The following MAST4 variants were observed in gnomAD, a reference collection of about 807,000 sequenced individuals.
MAST4 encodes microtubule associated serine/threonine kinase family member 4, also known as microtubule-associated serine/threonine-protein kinase 4.
MAST4 carries 89 observed loss-of-function variants against 162.7 expected under a neutral mutation model. That is an observed-to-expected ratio of 0.55 (90% CI 0.46 to 0.65). MAST4 has a LOEUF of 0.65. MAST4 is among the 30% of genes least tolerant of loss of function. The probability of loss-of-function intolerance (pLI) is 0.00; values close to 1 mark genes in which losing one functional copy is unlikely to be tolerated. For missense variants in MAST4, 3,153 were observed against 3,374.0 expected, an observed-to-expected ratio of 0.93 and a Z score of 1.62; for synonymous variants, 1,479 against 1,361.1, an observed-to-expected ratio of 1.09 and a Z score of -1.91.
At chr5:67,024,706 G>A (rs1754426762) in intron 4 of MAST4, among the ~76,000 whole-genome samples, 1 of 151,998 alleles carries the variant, frequency 6.6e-6, no homozygotes, top group Admixed American at 6.6e-5. Flanking sequence ...AAACTGATAG[G>A]TCCACACATA....
At chr5:66,923,739 T>C (rs960103563) in intron 4 of MAST4, among the ~76,000 whole-genome samples, 2 of 152,230 alleles carry the variant, frequency 1.3e-5, no homozygotes, top group Non-Finnish European at 2.9e-5. Flanking sequence ...ATCCTGCCTG[T>C]GTTTGTAACC....
chr5:66,806,801 TCTC>T (rs1330456394), intron 3 of MAST4, among the ~76,000 whole-genome samples: 4 of 152,164 alleles, frequency 2.6e-5, no homozygotes, highest in African/African-American at 9.6e-5. Flanking sequence ...TTTTATTACA[TCTC>T]CTGTTTTCCC....
At chr5:67,127,227 C>A (rs1039059400) in intron 14 of MAST4, among the ~76,000 whole-genome samples, 3 of 152,192 alleles carry the variant, frequency 2.0e-5, no homozygotes, top group Non-Finnish European at 2.9e-5. Context: ...CAATTTATTT[C>A]TTTCTCTTAC....
intron 2 of MAST4, among the ~76,000 whole-genome samples, chr5:66,767,172 TGTGTGTGTGTGTG>T (rs1469811418): frequency 4.4e-3 from 151 of 33,992 alleles, no homozygotes; most frequent in African/African-American, 9.8e-3. Flanking sequence ...AAAGTGCACG[TGTGTGTGTGTGTG>T]TGTGTGTGTG....
chr5:66,882,884 A>G (rs1194835965), intron 3 of MAST4, among the ~76,000 whole-genome samples: 1 of 152,146 alleles, frequency 6.6e-6, no homozygotes, highest in African/African-American at 2.4e-5. Flanking sequence ...CGAGATTTAA[A>G]ATGTTTAGCA....
intron 2 of MAST4, among the ~76,000 whole-genome samples, chr5:66,772,981 G>T (rs1035127214): frequency 2.0e-5 from 3 of 152,184 alleles, no homozygotes; most frequent in African/African-American, 7.2e-5. Context: ...GCTCTGCAAG[G>T]AAGCCCACCT....
chr5:66,599,425 T>G (rs1359481882), intron 1 of MAST4, among the ~76,000 whole-genome samples: 1 of 152,180 alleles, frequency 6.6e-6, no homozygotes, highest in Non-Finnish European at 1.5e-5. Flanking sequence ...TGACCAGTTG[T>G]GGGATTGTGG....
rs138447652 is a variant in MAST4 at position 66,968,348 on chromosome 5, C to A, written c.674+68366C>A. Among the ~76,000 whole-genome samples, 501 of 152,282 alleles carry A rather than the reference C, an allele frequency of 3.3e-3. 3 individuals are homozygous for A. Among genetic ancestry groups the A allele is most frequent in the African/African-American group, 0.011 (475 of 41,554 alleles). On this transcript the variant is annotated intron_variant, in intron 4 of 28. Coordinates refer to ENST00000403625, the MANE Select transcript of MAST4 (RefSeq NM_001164664.2). ...GTCATAAACACACAGTCAGCTATGCCAGAGTTGGCAGTAGAGAAGGTATGC... is the reference window on the plus strand; with the variant it reads ...GTCATAAACACACAGTCAGCTATGCAAGAGTTGGCAGTAGAGAAGGTATGC...
chr5:66,910,895 A>G (rs928776977), intron 4 of MAST4, among the ~76,000 whole-genome samples: 1 of 151,816 alleles, frequency 6.6e-6, no homozygotes, highest in Non-Finnish European at 1.5e-5. Context: ...CTACAGGCGC[A>G]TGCCACCATG....
intron 3 of MAST4, among the ~76,000 whole-genome samples, chr5:66,877,904 T>G (rs25836): frequency 0.28 from 42,800 of 152,046 alleles, 6,268 homozygotes; most frequent in East Asian, 0.53. Context: ...AATGTAAAAC[T>G]TTCTGAAATT....
chr5:66,883,847 C>T (rs1409236382), intron 3 of MAST4, among the ~76,000 whole-genome samples: 5 of 152,258 alleles, frequency 3.3e-5, no homozygotes, highest in Middle Eastern at 3.4e-3. Flanking sequence ...ATTTCTTTAG[C>T]GATTTGATCA....
At position 66,631,299 on chromosome 5, in the gene MAST4, C is replaced by T. The variant is rs183266046; in HGVS notation, c.363+34281C>T. 2.8e-3 allele frequency among the ~76,000 whole-genome samples: 421 copies of T among 152,162 alleles called. 8 individuals are homozygous for T. Among genetic ancestry groups the T allele is most frequent in the Admixed American group, 0.025 (383 of 15,286 alleles). On this transcript the variant is annotated intron_variant, in intron 1 of 28. Coordinates refer to ENST00000403625, the MANE Select transcript of MAST4 (RefSeq NM_001164664.2). ...TACCTGTGTCCTAGAAAGCTGCGAT[C>T]GATGGTAATTTCTAAGTAGGGGGTA...
chr5:66,744,774 A>G (rs957503985), intron 1 of MAST4, among the ~76,000 whole-genome samples: 1 of 152,174 alleles, frequency 6.6e-6, no homozygotes. Context: ...CCCATGACCA[A>G]TCACCTCCCA....
intron 4 of MAST4, among the ~76,000 whole-genome samples, chr5:67,025,040 A>G (rs1754472033): frequency 6.6e-6 from 1 of 152,166 alleles, no homozygotes; most frequent in African/African-American, 2.4e-5. Context: ...TGACATTGAC[A>G]AGACATTGTG....
chr5:67,135,034 C>G (rs1010853817), intron 18 of MAST4, among the ~76,000 whole-genome samples: 10 of 151,920 alleles, frequency 6.6e-5, no homozygotes, highest in Non-Finnish European at 7.4e-5. Context: ...AAAGTTACAC[C>G]AGGGAAGAAA....
intron 24 of MAST4, among the ~76,000 whole-genome samples, chr5:67,150,515 G>A (rs1043716146): frequency 6.6e-6 from 1 of 152,202 alleles, no homozygotes; most frequent in Non-Finnish European, 1.5e-5. Context: ...ACAAACACCT[G>A]TATCCCTAGT....
intron 2 of MAST4, among the ~76,000 whole-genome samples, chr5:66,775,824 A>C (rs1754575097): frequency 6.6e-6 from 1 of 152,080 alleles, no homozygotes; most frequent in Non-Finnish European, 1.5e-5. Context: ...GCGCTGGGGG[A>C]GATGTACTCT....
Position 66,774,644 on chromosome 5 carries a change from T to G in MAST4, c.518-14026T>G, listed in dbSNP as rs940189559. Among the ~76,000 whole-genome samples, 6 of 152,358 alleles carry G rather than the reference T, an allele frequency of 3.9e-5. No individual in the cohort carries two copies. In the South Asian group the frequency reaches 1.2e-3, roughly 32 times the overall value. Reference sequence around the variant, plus strand: ...CATTCCATTTGCTAGTTTATAAATTTCTTGAGGACTTTTTCCTTGTATCCT... The same window carrying G: ...CATTCCATTTGCTAGTTTATAAATTGCTTGAGGACTTTTTCCTTGTATCCT... On this transcript the variant is annotated intron_variant, in intron 2 of 28. Transcript: ENST00000403625.
chr5:66,789,187 A>G (rs901642351), intron 3 of MAST4, among the ~76,000 whole-genome samples: 1 of 151,950 alleles, frequency 6.6e-6, no homozygotes, highest in Non-Finnish European at 1.5e-5. Flanking sequence ...CTCTTTGTCT[A>G]TGTGTGTATG....
Sources: gnomAD v4.1 joint callset for allele counts (sites outside exome capture counted in the v4.1 genomes callset) on GRCh38, gnomAD v4.1.1 for gene constraint, MANE v1.5 for transcripts, NCBI Gene and HGNC (gene_info 2026-07-23, HGNC 2026-07-21) for gene names.